The following AGFG1 variants were observed in gnomAD, a reference collection of about 807,000 sequenced individuals.
AGFG1 encodes arf-GAP domain and FG repeat-containing protein 1.
AGFG1 carries 10 observed loss-of-function variants against 60.6 expected under a neutral mutation model. The ratio of observed to expected loss-of-function variants is 0.16; its 90% CI spans 0.10 to 0.28. The LOEUF (loss-of-function observed/expected upper bound fraction) is 0.28, where lower values mean the gene tolerates loss of function less well. Among genes scored for constraint, AGFG1 ranks in the 10% least tolerant of loss-of-function variants. The pLI, the probability that AGFG1 is intolerant of heterozygous loss-of-function variation, is 1.00. For missense variants in AGFG1, 537 were observed against 676.5 expected (o/e 0.79, Z 2.29); for synonymous variants, 247 against 242.9 (o/e 1.02, Z -0.16).
chr2:227,540,725 TG>T (rs1460079450), intron 10 of AGFG1, among the ~76,000 whole-genome samples: 1 of 152,194 alleles, frequency 6.6e-6, no homozygotes, highest in Non-Finnish European at 1.5e-5. Context: ...ATGGGATGGT[TG>T]GGTCAAATGG....
chr2:227,481,270 A>AAG (rs1371033802), intron 1 of AGFG1, among the ~76,000 whole-genome samples: 2 of 152,078 alleles, frequency 1.3e-5, no homozygotes, highest in African/African-American at 2.4e-5. Context: ...GATCTTAGAT[A>AAG]ATCCTCCAGC....
intron 5 of AGFG1, among the ~76,000 whole-genome samples, chr2:227,527,308 A>G (rs1692024683): frequency 6.6e-6 from 1 of 152,240 alleles, no homozygotes; most frequent in Admixed American, 6.5e-5. Context: ...TAAAAGGTAC[A>G]ATAAACATTG....
chr2:227,500,038 C>T (rs190639088), intron 2 of AGFG1, among the ~76,000 whole-genome samples: 2 of 152,166 alleles, frequency 1.3e-5, no homozygotes, highest in Non-Finnish European at 2.9e-5. Context: ...TCTGTCAGGA[C>T]GGCAGCTGAC....
intron 10 of AGFG1, among the ~76,000 whole-genome samples, chr2:227,541,336 C>G (rs962954407): frequency 6.6e-6 from 1 of 152,076 alleles, no homozygotes; most frequent in Non-Finnish European, 1.5e-5. Flanking sequence ...AGGTCTAACA[C>G]TTAAGTCTTT....
intron 10 of AGFG1, among the ~76,000 whole-genome samples, chr2:227,542,532 T>G (rs1559197695): frequency 6.6e-6 from 1 of 152,224 alleles, no homozygotes. Flanking sequence ...GTGGATAAGC[T>G]TTTTGATGTG....
At chr2:227,529,189 G>C (rs1237605691) in intron 5 of AGFG1, among the ~76,000 whole-genome samples, 4 of 151,938 alleles carry the variant, frequency 2.6e-5, no homozygotes, top group Non-Finnish European at 5.9e-5. Flanking sequence ...GTTTTGCCTT[G>C]GAGTAGTTTT....
At chr2:227,486,236 T>TTTA (rs1450191879) in intron 1 of AGFG1, among the ~76,000 whole-genome samples, 9 of 152,210 alleles carry the variant, frequency 5.9e-5, no homozygotes, top group Non-Finnish European at 1.0e-4. Context: ...CAGCTTAATT[T>TTTA]TTAATTTTTT....
At chr2:227,506,150 T>C (rs538004761) in intron 2 of AGFG1, among the ~76,000 whole-genome samples, 1 of 152,362 alleles carries the variant, frequency 6.6e-6, no homozygotes, top group East Asian at 1.9e-4. Context: ...TTCTTTTGAT[T>C]ATGGGTCATA....
At chr2:227,482,702 C>T (rs1305884151) in intron 1 of AGFG1, among the ~76,000 whole-genome samples, 1 of 152,182 alleles carries the variant, frequency 6.6e-6, no homozygotes, top group Admixed American at 6.5e-5. Flanking sequence ...ACTCATCCAG[C>T]ACAGATTGTT....
At chr2:227,514,509 A>G (rs919164954) in intron 2 of AGFG1, among the ~76,000 whole-genome samples, 1 of 152,150 alleles carries the variant, frequency 6.6e-6, no homozygotes, top group African/African-American at 2.4e-5. Flanking sequence ...AATACTATTT[A>G]AAGTTTATAT....
chr2:227,534,882 A>C lies in AGFG1; in HGVS notation c.1062A>C (p.Lys354Asn). Reference sequence around the variant, plus strand: ...GAAGTGGCTTTGGGACCACAGGTAAAGCTCCTGTTGGTTCTGTGGTTTCAG... The same window carrying C: ...GAAGTGGCTTTGGGACCACAGGTAACGCTCCTGTTGGTTCTGTGGTTTCAG... ...DQGSGFGTTG[K>N]APVGSVVSVP... The change falls in exon 8 of 13, where the codon AAA becomes AAC. Residue 354 changes from lysine (K) to asparagine (N), a missense_variant. Lys to Asn is a moderately conservative substitution (Grantham distance 94). Around this residue, in one of 4 missense-constraint regions of AGFG1, gnomAD observed 287 missense variants for 343.6 expected, o/e 0.84. Transcript: ENST00000310078. 2 of 1,613,822 alleles carry C rather than the reference A, an allele frequency of 1.2e-6. No homozygotes were observed. Among genetic ancestry groups the C allele is most frequent in the Non-Finnish European group, 1.7e-6 (2 of 1,179,844 alleles).
chr2:227,490,868 T>C (rs1019263631), intron 1 of AGFG1, among the ~76,000 whole-genome samples: 2 of 152,192 alleles, frequency 1.3e-5, no homozygotes, highest in Admixed American at 6.5e-5. Context: ...CAGAAAAGGC[T>C]TCAGGGTTCT....
intron 1 of AGFG1, among the ~76,000 whole-genome samples, chr2:227,473,155 C>T (rs1341562970): frequency 1.3e-5 from 2 of 152,154 alleles, no homozygotes; most frequent in Non-Finnish European, 2.9e-5. Flanking sequence ...TCGAGAGTAC[C>T]TACGTAACTG....
At position 227,533,654 on chromosome 2, in the gene AGFG1, C is replaced by T. The variant is rs749166457; in HGVS notation, c.920C>T (p.Thr307Ile). Reference sequence around the variant, plus strand: ...TTCAATACTTCCCAGAGTCATCAAACAGCATCAGCTGTTAGTAAAGTTTCA... The same window carrying T: ...TTCAATACTTCCCAGAGTCATCAAATAGCATCAGCTGTTAGTAAAGTTTCA... ...GTFNTSQSHQ[T>I]ASAVSKVSTN... Residue 307 changes from threonine to isoleucine, a missense_variant, in exon 7 of 13, where the codon ACA becomes ATA. By Grantham distance (89) the Thr-to-Ile change is moderately conservative. Around this residue, in one of 4 missense-constraint regions of AGFG1, gnomAD observed 287 missense variants for 343.6 expected, o/e 0.84. Coordinates refer to ENST00000310078, the MANE Select transcript of AGFG1 (RefSeq NM_004504.5). 1 of 1,613,838 alleles carries T rather than the reference C, an allele frequency of 6.2e-7. No individual in the cohort carries two copies. Among genetic ancestry groups the T allele is most frequent in the East Asian group, 2.2e-5 (1 of 44,862 alleles).
intron 10 of AGFG1, among the ~76,000 whole-genome samples, chr2:227,542,118 T>C (rs1382292486): frequency 6.6e-6 from 1 of 152,232 alleles, no homozygotes; most frequent in African/African-American, 2.4e-5. Context: ...AGGGACAATT[T>C]GACTTCCTCT....
intron 11 of AGFG1, among the ~76,000 whole-genome samples, chr2:227,552,759 T>C (rs1692858346): frequency 6.6e-6 from 1 of 151,366 alleles, no homozygotes. Context: ...CCCAGCACTT[T>C]GGGAGGCTGA....
At chr2:227,542,912 C>T (rs1466529106) in intron 10 of AGFG1, among the ~76,000 whole-genome samples, 1 of 152,012 alleles carries the variant, frequency 6.6e-6, no homozygotes, top group Non-Finnish European at 1.5e-5. Flanking sequence ...GGAATTTATC[C>T]ATTTCTTCTA....
intron 2 of AGFG1, among the ~76,000 whole-genome samples, chr2:227,499,828 C>T (rs1357949087): frequency 2.0e-5 from 3 of 152,142 alleles, no homozygotes; most frequent in Non-Finnish European, 4.4e-5. Context: ...GGGCCCCTGC[C>T]GGCTTAAAGT....
intron 2 of AGFG1, among the ~76,000 whole-genome samples, chr2:227,517,350 C>T (rs1363492779): frequency 6.6e-6 from 1 of 152,200 alleles, no homozygotes; most frequent in Non-Finnish European, 1.5e-5. Context: ...ACTGCAACCT[C>T]TGACTCCCGG....
Sources: allele counts gnomAD v4.1 joint callset (sites outside exome capture counted in the v4.1 genomes callset), GRCh38; gene constraint gnomAD v4.1.1; regional missense constraint gnomAD v4.1.1; transcripts MANE v1.5; gene names NCBI Gene and HGNC (gene_info 2026-07-23, HGNC 2026-07-21).